ZNF362: variants seen among roughly 807,000 people sequenced by gnomAD.
ZNF362 encodes the protein zinc finger protein 362.
In ZNF362, 11 loss-of-function variants were observed where a neutral mutation model predicts 42.9. The ratio of observed to expected loss-of-function variants is 0.26; its 90% confidence interval spans 0.16 to 0.42. ZNF362 has a LOEUF of 0.42. Ranked by LOEUF, ZNF362 falls within the 20% of genes least tolerant of loss-of-function variation. ZNF362 has a pLI of 1.00. For synonymous variants in ZNF362, 255 were observed against 257.3 expected (o/e 0.99, Z 0.09); for missense variants, 362 against 576.2 (o/e 0.63, Z 3.81).
chr1:33,186,294 T>G, the ZNF362 span, among the ~76,000 whole-genome samples: 1 of 152,080 alleles, frequency 6.6e-6, no homozygotes, highest in South Asian at 2.1e-4. Context: ...TGCCTTTTTG[T>G]TGGTGATTTT....
At chr1:33,142,838 A>C in the ZNF362 span, 1 of 152,132 alleles carries the variant, frequency 6.6e-6, no homozygotes, top group Non-Finnish European at 1.5e-5. Context: ...TTTGATTTCC[A>C]GCTCTGCCGA....
the ZNF362 span, among the ~76,000 whole-genome samples, chr1:33,174,934 CAT>C: frequency 3.3e-5 from 3 of 90,840 alleles, no homozygotes; most frequent in Non-Finnish European, 6.3e-5. Flanking sequence ...CACACACATA[CAT>C]ATATGTGTGT....
At chr1:33,253,551 G>A (rs1051829609), upstream of ZNF362, among the ~76,000 whole-genome samples, 1 of 151,980 alleles carries the variant, frequency 6.6e-6, no homozygotes, top group African/African-American at 2.4e-5. Context: ...CTTTCCAGGT[G>A]GCTAGGGAGG....
intron 2 of ZNF362, chr1:33,275,003 GT>G: frequency 1.0e-6 from 1 of 985,392 alleles, no homozygotes; most frequent in Non-Finnish European, 1.2e-6. Flanking sequence ...TCCAATAGGG[GT>G]TTCTCAAGCT....
At chr1:33,187,263 A>T in the ZNF362 span, among the ~76,000 whole-genome samples, 2 of 152,194 alleles carry the variant, frequency 1.3e-5, no homozygotes, top group Non-Finnish European at 2.9e-5. Context: ...TCCCTTAGCT[A>T]CCATGTGGAT....
the ZNF362 span, among the ~76,000 whole-genome samples, chr1:33,189,967 A>T: frequency 5.7e-4 from 87 of 151,858 alleles, no homozygotes; most frequent in Admixed American, 3.6e-3. Context: ...ATATCTCCTT[A>T]CTTTAACAGG....
the ZNF362 span, chr1:33,147,199 C>A: frequency 6.2e-7 from 1 of 1,613,614 alleles, no homozygotes; most frequent in Non-Finnish European, 8.5e-7. This position sits in a 1 kb window ranked among gnomAD's most constrained non-coding sequence, Gnocchi z 8.1. Flanking sequence ...GGTGTTGATC[C>A]GCAGCGGCTG....
At chr1:33,223,755 T>C in the ZNF362 span, among the ~76,000 whole-genome samples, 1 of 152,000 alleles carries the variant, frequency 6.6e-6, no homozygotes, top group Non-Finnish European at 1.5e-5. Flanking sequence ...TAGCTGGACA[T>C]CGTGGCATGC....
chr1:33,270,652 G>A, intron 2 of ZNF362, 40 bp downstream of exon 2: 1 of 1,604,920 alleles, frequency 6.2e-7, no homozygotes, highest in Non-Finnish European at 8.5e-7. Context: ...CTGTCAATGA[G>A]GGTTTGTTCT....
the ZNF362 span, among the ~76,000 whole-genome samples, chr1:33,218,928 G>GACAGACACAC: frequency 1.4e-5 from 1 of 69,526 alleles, no homozygotes; most frequent in African/African-American, 5.3e-5. Context: ...CCAGGAGCTG[G>GACAGACACAC]ACATACACAC....
At chr1:33,150,978 G>A in the ZNF362 span, among the ~76,000 whole-genome samples, 4 of 152,162 alleles carry the variant, frequency 2.6e-5, no homozygotes, top group Non-Finnish European at 4.4e-5. Flanking sequence ...ACCAGCAACA[G>A]GCAGCAACCG....
intron 1 of ZNF362, among the ~76,000 whole-genome samples, chr1:33,256,889 G>A (rs1464017598): frequency 1.3e-5 from 2 of 150,470 alleles, no homozygotes; most frequent in African/African-American, 4.9e-5. Flanking sequence ...CGGCGTGTCT[G>A]GGGCTGGTCT....
At chr1:33,239,824 A>G in the ZNF362 span, among the ~76,000 whole-genome samples, 1 of 152,172 alleles carries the variant, frequency 6.6e-6, no homozygotes, top group East Asian at 1.9e-4. Flanking sequence ...TCAGATGGGA[A>G]CATGTCAGAA....
At chr1:33,217,449 C>T in the ZNF362 span, among the ~76,000 whole-genome samples, 1 of 152,138 alleles carries the variant, frequency 6.6e-6, no homozygotes, top group Admixed American at 6.5e-5. Context: ...AGGACTCATT[C>T]CAGGCAACTT....
At chr1:33,143,060 C>G in the ZNF362 span, 1 of 152,216 alleles carries the variant, frequency 6.6e-6, no homozygotes, top group Non-Finnish European at 1.5e-5. Flanking sequence ...TCCCTCCTTC[C>G]TTCCCAAGCC....
chr1:33,275,977 G>A (rs1398066102), intron 2 of ZNF362, 123 bp from the exon 3 acceptor site: 3 of 1,051,870 alleles, frequency 2.9e-6, no homozygotes, highest in African/African-American at 3.1e-5. Context: ...TGTGAGGCTG[G>A]GGGACCCACG....
rs77563891 is a variant in ZNF362, at chr1:33,264,305, C to T, written c.-88-6182C>T. Among the ~76,000 whole-genome samples the T allele has an allele frequency of 7.3e-4, 111 of 152,296 alleles. 1 individual carries two copies. The East Asian group carries it at 0.018, about 24-fold the overall frequency. On this transcript the variant is annotated intron_variant, in intron 1 of 8. Transcript: ENST00000539719. Reference sequence around the variant, plus strand: ...GCCACCCAGAGCTACTGCCACCCCCCACCCCCTAGATGGCATTACTGGCTG... The same window carrying T: ...GCCACCCAGAGCTACTGCCACCCCCTACCCCCTAGATGGCATTACTGGCTG...
At chr1:33,175,753 A>T in the ZNF362 span, among the ~76,000 whole-genome samples, 1 of 152,058 alleles carries the variant, frequency 6.6e-6, no homozygotes, top group African/African-American at 2.4e-5. Context: ...CTCAGGGAGT[A>T]GGGAACGAAA....
chr1:33,272,228 A>G (rs1645909636), intron 2 of ZNF362, among the ~76,000 whole-genome samples: 1 of 152,126 alleles, frequency 6.6e-6, no homozygotes, highest in African/African-American at 2.4e-5. Context: ...GACCTCAGGG[A>G]GGCCACGGTG....
Sources: gnomAD v4.1 joint callset for allele counts (sites outside exome capture counted in the v4.1 genomes callset) on GRCh38, gnomAD v4.1.1 for gene constraint, Gnocchi (gnomAD v3.1) non-coding constraint, MANE v1.5 for transcripts, NCBI Gene and HGNC (gene_info 2026-07-23, HGNC 2026-07-21) for gene names.